Variants in TUBGCP3 observed in about 807,000 individuals in gnomAD.
TUBGCP3 encodes the protein tubulin gamma complex component 3.
Under a neutral mutation model 123.1 loss-of-function variants are expected in TUBGCP3, and 50 were observed. The ratio of observed to expected loss-of-function variants is 0.41; its 90% CI spans 0.32 to 0.51. The LOEUF is 0.51. Ranked by LOEUF, TUBGCP3 falls within the 20% of genes least tolerant of loss-of-function variation. TUBGCP3 has a pLI of 0.36. For synonymous variants in TUBGCP3, 405 were observed against 413.9 expected (o/e 0.98, Z 0.26); for missense variants, 882 against 1,127.0 (o/e 0.78, Z 3.11).
At chr13:112,536,763 T>A (rs1878090553) in intron 11 of TUBGCP3, among the ~76,000 whole-genome samples, 1 of 152,166 alleles carries the variant, frequency 6.6e-6, no homozygotes, top group African/African-American at 2.4e-5. Flanking sequence ...AGATCAAGTA[T>A]CTGTGAACAG....
chr13:112,602,431 G>A, the TUBGCP3 span, among the ~76,000 whole-genome samples: 1 of 152,264 alleles, frequency 6.6e-6, no homozygotes, highest in Non-Finnish European at 1.5e-5. Flanking sequence ...TCTTCCGTGA[G>A]CCACCACCGT....
At chr13:112,547,560 AGTCGCGCGTGG>A in intron 10 of TUBGCP3, 49 bp downstream of exon 10, 2 of 1,340,008 alleles carry the variant, frequency 1.5e-6, no homozygotes, top group Non-Finnish European at 2.0e-6. Flanking sequence ...CGCGTGGGAA[AGTCGCGCGTGG>A]GAAAGTCGCG....
rs1191675592 is a variant in TUBGCP3 at position 112,542,451 on chromosome 13, TGATA to T, written c.1335+3244_1335+3247del. ...ACATGTCCTTAGCACCTTACCATTG[TGATA>T]GATAAAAACTAAATAGTACAAGAAT... is the stretch of plus-strand genomic sequence containing the variant. On this transcript the variant is annotated intron_variant, in intron 11 of 21. Coordinates refer to ENST00000261965, the MANE Select transcript of TUBGCP3 (RefSeq NM_006322.6). Among the ~76,000 whole-genome samples, 5 of 152,330 alleles carry T rather than the reference TGATA, an allele frequency of 3.3e-5. No homozygotes were observed. The East Asian group carries it at 5.8e-4, about 18-fold the overall frequency.
chr13:112,601,025 T>C, the TUBGCP3 span, among the ~76,000 whole-genome samples: 2 of 151,896 alleles, frequency 1.3e-5, no homozygotes, highest in East Asian at 3.9e-4. Context: ...CCGTCTCTAC[T>C]CAAAACACAA....
intron 1 of TUBGCP3, among the ~76,000 whole-genome samples, chr13:112,577,884 A>G (rs1029208894): frequency 6.6e-6 from 1 of 152,222 alleles, no homozygotes; most frequent in African/African-American, 2.4e-5. Flanking sequence ...CAAGATAAGA[A>G]AGCAACTAAA....
chr13:112,571,934 C>T (rs557602783), intron 1 of TUBGCP3, among the ~76,000 whole-genome samples: 3 of 152,320 alleles, frequency 2.0e-5, no homozygotes, highest in East Asian at 3.9e-4. Flanking sequence ...TCAGCCTTCA[C>T]AGAATTAAGG....
At chr13:112,506,755 T>C (rs771674200) in intron 17 of TUBGCP3, among the ~76,000 whole-genome samples, 13 of 152,220 alleles carry the variant, frequency 8.5e-5, no homozygotes, top group Non-Finnish European at 1.6e-4. Context: ...TCAAATCAAA[T>C]AATACTCAAA....
chr13:112,487,320 C>T (rs1479232129), intron 21 of TUBGCP3, among the ~76,000 whole-genome samples: 1 of 152,128 alleles, frequency 6.6e-6, no homozygotes, highest in Non-Finnish European at 1.5e-5. Context: ...GCTGGCACCG[C>T]CACAGAGAGC....
Position 112,524,039 on chromosome 13 carries a change from G to A in TUBGCP3, c.1556-1530C>T, listed in dbSNP as rs952581754. Among the ~76,000 whole-genome samples the A allele has an allele frequency of 7.9e-5, 12 of 152,076 alleles. No individual in the cohort carries two copies. The highest frequency in any genetic ancestry group is 1.2e-4 in the African/African-American group (5 of 41,422). ...GGAGTCGTCACAGAGAAGCAGCAGC[G>A]TCAGCAGCAGCAGCGCCCCGTCACC... On this transcript the variant is annotated intron_variant, in intron 13 of 21. Transcript: ENST00000261965. This position sits in a 1 kb window ranked among gnomAD's most constrained non-coding sequence, Gnocchi z 4.4.
At chr13:112,486,822 C>T (rs1311788799) in intron 21 of TUBGCP3, among the ~76,000 whole-genome samples, 1 of 152,238 alleles carries the variant, frequency 6.6e-6, no homozygotes, top group African/African-American at 2.4e-5. Flanking sequence ...CTGCATGCCA[C>T]GGGGTGCTGA....
chr13:112,556,672 C>T (rs368894664), intron 5 of TUBGCP3, among the ~76,000 whole-genome samples: 8 of 152,158 alleles, frequency 5.3e-5, no homozygotes, highest in African/African-American at 1.7e-4. Context: ...CTGCCCCAGG[C>T]GCCTGGCCTC....
intron 2 of TUBGCP3, among the ~76,000 whole-genome samples, chr13:112,565,992 A>T (rs1400021240): frequency 6.6e-6 from 1 of 152,172 alleles, no homozygotes; most frequent in Non-Finnish European, 1.5e-5. Flanking sequence ...ATTAAATGTC[A>T]TACTCACTGT....
intron 12 of TUBGCP3, 71 bp from the exon 13 acceptor site, chr13:112,527,121 G>A (rs923481457): frequency 2.0e-5 from 27 of 1,319,664 alleles, no homozygotes; most frequent in East Asian, 7.2e-5. Context: ...ACAAATATTC[G>A]TAAGCTACAA....
chr13:112,521,990 T>C, intron 14 of TUBGCP3: 1 of 403,230 alleles, frequency 2.5e-6, no homozygotes, highest in Non-Finnish European at 3.4e-6. Context: ...ATTTTATTTT[T>C]CAGCTTTATT....
chr13:112,576,961 G>A (rs1441454259), intron 1 of TUBGCP3, among the ~76,000 whole-genome samples: 1 of 148,636 alleles, frequency 6.7e-6, no homozygotes, highest in African/African-American at 2.5e-5. Flanking sequence ...AAAAATGGTG[G>A]GGTGGAGGGA....
chr13:112,536,797 G>C (rs1878093407), intron 11 of TUBGCP3, among the ~76,000 whole-genome samples: 1 of 151,734 alleles, frequency 6.6e-6, no homozygotes, highest in African/African-American at 2.4e-5. Context: ...TTTTTTTGGA[G>C]ACATGGTCTC....
In TUBGCP3 at chr13:112,510,242, C is replaced by T. The variant is rs530184300; in HGVS notation, c.2087-5528G>A. Among the ~76,000 whole-genome samples, 13 of 152,316 alleles carry T rather than the reference C, an allele frequency of 8.5e-5. No individual in the cohort carries two copies. The East Asian group carries it at 2.3e-3, about 27-fold the overall frequency. Reference sequence around the variant, plus strand: ...TGACTCAAACACCGGCTCTTAAGGACTTGTTCAGGCACCTTCCGCCAGAAC... The same window carrying T: ...TGACTCAAACACCGGCTCTTAAGGATTTGTTCAGGCACCTTCCGCCAGAAC... On this transcript the variant is annotated intron_variant, in intron 17 of 21. Coordinates refer to ENST00000261965, the MANE Select transcript of TUBGCP3 (RefSeq NM_006322.6).
chr13:112,577,446 T>C (rs1881907537), intron 1 of TUBGCP3, among the ~76,000 whole-genome samples: 2 of 151,986 alleles, frequency 1.3e-5, no homozygotes, highest in Non-Finnish European at 2.9e-5. Context: ...CTAATAACCT[T>C]TAATCCTCAA....
intron 14 of TUBGCP3, among the ~76,000 whole-genome samples, chr13:112,520,811 A>G (rs887067424): frequency 1.4e-4 from 22 of 152,328 alleles, no homozygotes; most frequent in African/African-American, 5.3e-4. Context: ...TGAAGCTAAC[A>G]CGTCTCTAAT....
Sources: allele counts gnomAD v4.1 joint callset (sites outside exome capture counted in the v4.1 genomes callset), GRCh38; gene constraint gnomAD v4.1.1; non-coding constraint Gnocchi (gnomAD v3.1); transcripts MANE v1.5; gene names NCBI Gene and HGNC (gene_info 2026-07-23, HGNC 2026-07-21).